The following ARL15 variants were observed in gnomAD, a reference collection of about 807,000 sequenced individuals.
ARL15 encodes the protein ARF like GTPase 15, also known as ADP-ribosylation factor-like protein 15.
Under a neutral mutation model 25.2 loss-of-function variants are expected in ARL15, and 19 were observed. The observed-to-expected ratio is 0.75, with a 90% CI of 0.53 to 1.10. The LOEUF (loss-of-function observed/expected upper bound fraction) is 1.10. Ranked by LOEUF, ARL15 falls within the 50% of genes least tolerant of loss-of-function variation. The probability of loss-of-function intolerance (pLI) is 0.00; values close to 1 mark genes in which losing one functional copy is unlikely to be tolerated. For synonymous variants in ARL15, 94 were observed against 86.8 expected, an observed-to-expected ratio of 1.08 and a Z score of -0.46; for missense variants, 220 against 246.0, an observed-to-expected ratio of 0.89 and a Z score of 0.71.
At chr5:54,132,971 T>C (rs1579832594) in intron 3 of ARL15, among the ~76,000 whole-genome samples, 1 of 152,194 alleles carries the variant, frequency 6.6e-6, no homozygotes, top group Non-Finnish European at 1.5e-5. Flanking sequence ...TGCAACAATA[T>C]GAAAGATCCA....
intron 4 of ARL15, among the ~76,000 whole-genome samples, chr5:54,089,862 C>T (rs982274697): frequency 1.3e-5 from 2 of 152,154 alleles, no homozygotes; most frequent in African/African-American, 4.8e-5. Flanking sequence ...CAAAAACCAA[C>T]ATACGAATGT....
At position 54,033,933 on chromosome 5, in the gene ARL15, C is replaced by T. The variant is rs184525908; in HGVS notation, c.462+79269G>A. Among the ~76,000 whole-genome samples, 1,288 of 152,242 alleles carry T rather than the reference C, an allele frequency of 8.5e-3. 23 individuals are homozygous for T. Among genetic ancestry groups the T allele is most frequent in the African/African-American group, 0.03 (1,230 of 41,560 alleles). On this transcript the variant is annotated intron_variant, in intron 4 of 4. Transcript: ENST00000504924. The stretch of plus-strand genomic sequence containing the variant: ...GGTTCACACCATTCTCCTGCCTCAG[C>T]CTCCTGAGTAGCTGGGACTACAGGT...
intron 4 of ARL15, among the ~76,000 whole-genome samples, chr5:53,978,637 G>GAAAA (rs58627905): frequency 7.9e-6 from 1 of 125,880 alleles, no homozygotes; most frequent in African/African-American, 2.8e-5. Context: ...AAAAAAAAAA[G>GAAAA]AAAAGAAAAG....
intron 1 of ARL15, among the ~76,000 whole-genome samples, chr5:54,268,199 C>G (rs1367062658): frequency 6.6e-6 from 1 of 152,110 alleles, no homozygotes; most frequent in African/African-American, 2.4e-5. Context: ...ACTTCCTTCT[C>G]GCTTCATTTC....
At chr5:54,122,349 T>C (rs1753106074) in intron 3 of ARL15, among the ~76,000 whole-genome samples, 1 of 152,256 alleles carries the variant, frequency 6.6e-6, no homozygotes, top group Non-Finnish European at 1.5e-5. Flanking sequence ...TGATTAGTCG[T>C]GTTAACATTC....
chr5:54,214,095 T>C (rs1468535519), intron 1 of ARL15, among the ~76,000 whole-genome samples: 1 of 150,568 alleles, frequency 6.6e-6, no homozygotes, highest in Non-Finnish European at 1.5e-5. Flanking sequence ...GAGGAAGAGA[T>C]GGAAGGGGGG....
At chr5:54,059,201 A>T (rs1229319643) in intron 4 of ARL15, among the ~76,000 whole-genome samples, 1 of 152,216 alleles carries the variant, frequency 6.6e-6, no homozygotes, top group Non-Finnish European at 1.5e-5. Flanking sequence ...GAAACACAGG[A>T]ATTAAGTCAG....
At chr5:54,226,471 A>G (rs1008815110) in intron 1 of ARL15, among the ~76,000 whole-genome samples, 1 of 152,228 alleles carries the variant, frequency 6.6e-6, no homozygotes, top group South Asian at 2.1e-4. Flanking sequence ...GCCTCCAGCC[A>G]TTCATGACAC....
chr5:54,222,841 T>C (rs913176564), intron 1 of ARL15, among the ~76,000 whole-genome samples: 1 of 152,186 alleles, frequency 6.6e-6, no homozygotes, highest in Admixed American at 6.5e-5. Flanking sequence ...TTATTTTTTT[T>C]GAGACGGAGT....
At chr5:53,936,854 G>T (rs989518598) in intron 4 of ARL15, among the ~76,000 whole-genome samples, 1 of 152,152 alleles carries the variant, frequency 6.6e-6, no homozygotes, top group Non-Finnish European at 1.5e-5. Flanking sequence ...TGCCCAGTGC[G>T]ATTTCCACCA....
chr5:54,159,011 C>G (rs745899312), intron 2 of ARL15, among the ~76,000 whole-genome samples: 2 of 152,164 alleles, frequency 1.3e-5, no homozygotes, highest in African/African-American at 4.8e-5. Flanking sequence ...AGCCTAAATA[C>G]TGGTAAAGTC....
At chr5:54,068,691 G>A (rs548111022) in intron 4 of ARL15, among the ~76,000 whole-genome samples, 11 of 152,280 alleles carry the variant, frequency 7.2e-5, no homozygotes, top group African/African-American at 2.6e-4. Context: ...ATCCTAATTG[G>A]AATTTTCCAA....
intron 3 of ARL15, among the ~76,000 whole-genome samples, chr5:54,122,977 TATTG>T (rs1397216449): frequency 2.0e-5 from 3 of 152,292 alleles, no homozygotes; most frequent in East Asian, 1.9e-4. Context: ...CATTGATATT[TATTG>T]ATTAAGTTAA....
At chr5:54,242,414 C>A (rs1249776720) in intron 1 of ARL15, among the ~76,000 whole-genome samples, 1 of 152,204 alleles carries the variant, frequency 6.6e-6, no homozygotes, top group African/African-American at 2.4e-5. Context: ...CCGGGATGAG[C>A]AACCTCAAAC....
At chr5:54,147,054 C>A (rs1753933381) in intron 3 of ARL15, among the ~76,000 whole-genome samples, 1 of 152,076 alleles carries the variant, frequency 6.6e-6, no homozygotes, top group Non-Finnish European at 1.5e-5. Flanking sequence ...CCTATTCAAC[C>A]AATTCAGATA....
intron 1 of ARL15, among the ~76,000 whole-genome samples, chr5:54,244,023 A>G (rs759170294): frequency 4.8e-4 from 73 of 152,234 alleles, no homozygotes; most frequent in Non-Finnish European, 9.3e-4. Flanking sequence ...TCTAATTCTT[A>G]GATTTTAGAC....
rs78693282 is a variant in ARL15, at chr5:54,071,523, C to G, written c.462+41679G>C. On this transcript the variant is annotated intron_variant, in intron 4 of 4. Transcript: ENST00000504924. ...TTCCACCGCCTTTCCCCCCCCCCCC[C>G]CCGCAAAGCCAGACCCAACCTCTGC... Among the ~76,000 whole-genome samples the G allele has an allele frequency of 5.8e-3, 682 of 117,212 alleles. 11 individuals are homozygous for G. The highest frequency in any genetic ancestry group is 0.015 in the African/African-American group (539 of 35,680). The allele number at this position is 117,212 out of a possible 152,430, so 76.9% of individuals were successfully genotyped here. A position where few individuals can be genotyped will look rare whatever the true frequency, so the allele number is the denominator to read the frequency against.
intron 4 of ARL15, among the ~76,000 whole-genome samples, chr5:53,910,851 C>G (rs952431807): frequency 1.4e-4 from 21 of 151,482 alleles, no homozygotes; most frequent in African/African-American, 4.6e-4. Flanking sequence ...GTGATTCGAC[C>G]AATTGGAGTA....
chr5:54,266,426 G>C (rs1343244244), intron 1 of ARL15, among the ~76,000 whole-genome samples: 1 of 152,176 alleles, frequency 6.6e-6, no homozygotes, highest in Non-Finnish European at 1.5e-5. Context: ...GAGTCACTAA[G>C]ACCTCCTGGG....
Sources: gnomAD v4.1 joint callset for allele counts (sites outside exome capture counted in the v4.1 genomes callset) on GRCh38, gnomAD v4.1.1 for gene constraint, MANE v1.5 for transcripts, NCBI Gene and HGNC (gene_info 2026-07-23, HGNC 2026-07-21) for gene names.